The following PEAR1 variants were observed in gnomAD, a reference collection of about 807,000 sequenced individuals.
PEAR1 encodes the protein multiple EGF-like domains protein 12.
In PEAR1, 113 loss-of-function variants were observed where a neutral mutation model predicts 131.2. The observed-to-expected ratio is 0.86, with a 90% CI of 0.74 to 1.01. PEAR1 has a LOEUF of 1.01. Among genes scored for constraint, PEAR1 ranks in the 50% least tolerant of loss-of-function variants. The pLI is 0.00. For missense variants in PEAR1, 1,408 were observed against 1,391.1 expected (o/e 1.01, Z -0.19); for synonymous variants, 565 against 523.3 (o/e 1.08, Z -1.09).
intron 6 of PEAR1, among the ~76,000 whole-genome samples, chr1:156,907,247 A>AAAG (rs1400805086): frequency 6.6e-6 from 1 of 152,154 alleles, no homozygotes; most frequent in East Asian, 1.9e-4. Flanking sequence ...GGGAGGGAGA[A>AAAG]GGTAGACCTA....
At chr1:156,911,988 A>T (rs1651259429) in intron 15 of PEAR1, among the ~76,000 whole-genome samples, 2 of 152,240 alleles carry the variant, frequency 1.3e-5, no homozygotes, top group African/African-American at 4.8e-5. Context: ...TGTGGCACTG[A>T]ATACACTATT....
chr1:156,906,244 G>A (rs1430071278), intron 4 of PEAR1, 32 bp from the exon 5 acceptor site: 1 of 1,598,128 alleles, frequency 6.3e-7, no homozygotes, highest in Non-Finnish European at 8.6e-7. Context: ...GGCAGGGGTG[G>A]ACACATCTCA....
In PEAR1 at chr1:156,914,087, C is replaced by T; in HGVS notation, c.2949C>T (p.Ser983=). The change falls in exon 22 of 23, where the codon AGC becomes AGT. Residue 983 remains serine (S), a synonymous_variant. Transcript: ENST00000292357. ...QRDSGTYEQP[S]PLIHDRDSVG... ...ACAGTGGCACCTACGAGCAGCCCAG[C>T]CCCCTGATCCATGGTGAGCCCTCCC... 2 of 1,596,768 alleles carry T rather than the reference C, an allele frequency of 1.3e-6. No homozygotes were observed. Among genetic ancestry groups the T allele is most frequent in the Non-Finnish European group, 1.7e-6 (2 of 1,171,258 alleles).
At chr1:156,896,302 A>G (rs1649155546) in intron 1 of PEAR1, among the ~76,000 whole-genome samples, 1 of 152,166 alleles carries the variant, frequency 6.6e-6, no homozygotes, top group South Asian at 2.1e-4. Flanking sequence ...GAGGCGCAGT[A>G]ATTAGTATCC....
At chr1:156,913,324 C>T (rs1651477032) in intron 19 of PEAR1, 42 bp downstream of exon 19, 2 of 1,600,544 alleles carry the variant, frequency 1.2e-6, no homozygotes, top group Non-Finnish European at 1.7e-6. Context: ...GGGAAGCGCA[C>T]AGACCAGCTT....
At chr1:156,910,459 C>A (rs933489257) in intron 14 of PEAR1, 79 bp downstream of exon 14, 19 of 1,541,960 alleles carry the variant, frequency 1.2e-5, no homozygotes, top group Non-Finnish European at 1.7e-5. Context: ...CCCCTCCCCC[C>A]GCGCCCGCCG....
At chr1:156,913,322 C>T in intron 19 of PEAR1, 40 bp downstream of exon 19, 2 of 1,599,280 alleles carry the variant, frequency 1.3e-6, no homozygotes, top group South Asian at 2.3e-5. Context: ...GAGGGAAGCG[C>T]ACAGACCAGC....
chr1:156,900,653 G>C (rs1034996555), intron 1 of PEAR1, among the ~76,000 whole-genome samples: 1 of 152,172 alleles, frequency 6.6e-6, no homozygotes, highest in Non-Finnish European at 1.5e-5. Context: ...ACGATACGTG[G>C]GGTCACCTTA....
At chr1:156,904,302 G>A (rs1432231535) in intron 2 of PEAR1, among the ~76,000 whole-genome samples, 1 of 152,192 alleles carries the variant, frequency 6.6e-6, no homozygotes, top group East Asian at 1.9e-4. Flanking sequence ...TTGGAACAGA[G>A]CGCAGAGTGG....
intron 22 of PEAR1, 140 bp downstream of exon 22, chr1:156,914,240 C>T: frequency 1.5e-6 from 2 of 1,362,610 alleles, no homozygotes; most frequent in Non-Finnish European, 2.0e-6. Context: ...GGGCTCAAAT[C>T]AGGCATGACG....
chr1:156,911,130 CCTTTCTTTCTTTT>C (rs1210945070), intron 15 of PEAR1, among the ~76,000 whole-genome samples: 6 of 93,924 alleles, frequency 6.4e-5, no homozygotes, highest in Non-Finnish European at 1.2e-4. Flanking sequence ...TTCTTTCTTT[CCTTTCTTTCTTTT>C]CTTTCTTTCT....
At chr1:156,896,699 A>G (rs112054213) in intron 1 of PEAR1, among the ~76,000 whole-genome samples, 15 of 152,248 alleles carry the variant, frequency 9.9e-5, no homozygotes, top group African/African-American at 3.6e-4. Flanking sequence ...AGATGTGTGC[A>G]GTGGACAGTG....
In PEAR1 at chr1:156,905,202, G is replaced by A. The variant is rs148107729; in HGVS notation, c.207-122G>A. 4.5e-4 allele frequency: 519 copies of A among 1,150,020 alleles called. 2 individuals carry two copies. The African/African-American group carries it at 6.6e-3, about 15-fold the overall frequency. 71.2% of individuals were successfully genotyped at this position (1,150,020 alleles called of 1,614,324 possible). A position where few individuals can be genotyped will look rare whatever the true frequency, so the allele number is the denominator to read the frequency against. On this transcript the variant is annotated intron_variant, in intron 3 of 22. Transcript: ENST00000292357. ...CACTGCAACCTCAAACAGGGAATGC[G>A]CTTTCTATGCGCCCTCAGCCCAGAG...
chr1:156,905,821 C>T (rs1325831767), intron 4 of PEAR1, among the ~76,000 whole-genome samples: 3 of 152,146 alleles, frequency 2.0e-5, no homozygotes, highest in Non-Finnish European at 4.4e-5. Flanking sequence ...CTATTGGTCT[C>T]TGACTTGTCA....
rs564341687 is a variant in PEAR1, at chr1:156,896,523, C to A, written c.-10+2686C>A. Among the ~76,000 whole-genome samples the A allele has an allele frequency of 1.5e-4, 23 of 152,352 alleles. No individual in the cohort carries two copies. The South Asian group carries it at 4.6e-3, about 30-fold the overall frequency. On this transcript the variant is annotated intron_variant, in intron 1 of 22. Coordinates refer to ENST00000292357, the MANE Select transcript of PEAR1 (RefSeq NM_001080471.3). ...GGGTTGGGACTGGCACTGGCGACAG[C>A]CTGCGGGAGGGGTTGCGATTGATGT... is the stretch of plus-strand genomic sequence containing the variant.
At chr1:156,903,832 A>C (rs1336560895) in intron 1 of PEAR1, 86 bp from the exon 2 acceptor site, 1 of 1,117,700 alleles carries the variant, frequency 8.9e-7, no homozygotes, top group Non-Finnish European at 1.3e-6. Flanking sequence ...TCTCTTCTGC[A>C]TGCCCACGGC....
intron 1 of PEAR1, among the ~76,000 whole-genome samples, chr1:156,898,244 A>G (rs549429286): frequency 6.6e-6 from 1 of 152,098 alleles, no homozygotes; most frequent in African/African-American, 2.4e-5. Context: ...GGTGCGATAG[A>G]TGTGTGAATC....
chr1:156,897,723 G>C (rs753108507), intron 1 of PEAR1, among the ~76,000 whole-genome samples: 18 of 152,276 alleles, frequency 1.2e-4, no homozygotes, highest in Non-Finnish European at 2.4e-4. Flanking sequence ...CCACTGAGGG[G>C]CTTCTTGGAA....
intron 18 of PEAR1, 42 bp downstream of exon 18, chr1:156,913,024 T>C (rs1281020403): frequency 1.9e-6 from 3 of 1,608,320 alleles, no homozygotes; most frequent in Non-Finnish European, 2.6e-6. Flanking sequence ...AGTGGCTGGC[T>C]CATAGGCACA....
Sources: allele counts gnomAD v4.1 joint callset (sites outside exome capture counted in the v4.1 genomes callset), GRCh38; gene constraint gnomAD v4.1.1; transcripts MANE v1.5; gene names NCBI Gene and HGNC (gene_info 2026-07-23, HGNC 2026-07-21).